Variants in TSPEAR observed in about 807,000 individuals in gnomAD.
The protein encoded by TSPEAR is thrombospondin type laminin G domain and EAR repeats, also known as thrombospondin-type laminin G domain and EAR repeat-containing protein.
Under a neutral mutation model 71.6 loss-of-function variants are expected in TSPEAR, and 69 were observed. The observed-to-expected ratio is 0.96, with a 90% CI of 0.79 to 1.18. TSPEAR has a LOEUF of 1.18. Among genes scored for constraint, TSPEAR ranks in the 50% most tolerant of loss-of-function variants. The pLI is 0.00. For synonymous variants in TSPEAR, 402 were observed against 387.2 expected (o/e 1.04, Z -0.45); for missense variants, 971 against 894.9 (o/e 1.09, Z -1.09).
chr21:44,611,814 C>T (rs1412016994), intron 1 of TSPEAR, among the ~76,000 whole-genome samples: 1 of 152,180 alleles, frequency 6.6e-6, no homozygotes, highest in African/African-American at 2.4e-5. Flanking sequence ...CCCAGCTCCA[C>T]CAGCAGACAC....
chr21:44,658,930 T>C (rs1278724257), intron 1 of TSPEAR, among the ~76,000 whole-genome samples: 1 of 152,092 alleles, frequency 6.6e-6, no homozygotes, highest in African/African-American at 2.4e-5. Context: ...CCAGATCCCA[T>C]GCAATACCTC....
intron 6 of TSPEAR, among the ~76,000 whole-genome samples, chr21:44,528,057 G>A (rs782332609): frequency 9.9e-5 from 15 of 152,216 alleles, no homozygotes; most frequent in Non-Finnish European, 1.2e-4. Context: ...AGGCTGCAGG[G>A]AGGCAGGCAT....
intron 1 of TSPEAR, chr21:44,666,867 G>A (rs1555944969): frequency 1.2e-6 from 2 of 1,613,690 alleles, no homozygotes; most frequent in Non-Finnish European, 1.7e-6. Context: ...GCAGCCCGAG[G>A]AGCAGCTGGT....
intron 9 of TSPEAR, among the ~76,000 whole-genome samples, chr21:44,511,791 C>T (rs1569154132): frequency 6.6e-6 from 1 of 152,264 alleles, no homozygotes; most frequent in Non-Finnish European, 1.5e-5. Flanking sequence ...AACTCCCTCT[C>T]AGGGAAAGGC....
chr21:44,517,719 C>T (rs1394057870), intron 9 of TSPEAR: 2 of 469,578 alleles, frequency 4.3e-6, no homozygotes, highest in African/African-American at 2.0e-5. Flanking sequence ...GCGTCCTTGT[C>T]CTGCGGGGGC....
chr21:44,569,281 C>T (rs2053753563), intron 1 of TSPEAR, among the ~76,000 whole-genome samples: 1 of 152,140 alleles, frequency 6.6e-6, no homozygotes, highest in Non-Finnish European at 1.5e-5. Context: ...GTGATGGGCA[C>T]TTCTTTCTTA....
At chr21:44,702,587 C>T in intron 1 of TSPEAR, 2 of 1,607,650 alleles carry the variant, frequency 1.2e-6, no homozygotes, top group Non-Finnish European at 1.7e-6. Context: ...TGCTGCACTT[C>T]CTCCTGCTGC....
chr21:44,536,760 A>G lies in TSPEAR; in HGVS notation c.304-2837T>C, dbSNP rs587691514. Among the ~76,000 whole-genome samples the G allele has an allele frequency of 1.9e-4, 29 of 152,356 alleles. 1 individual carries two copies. In the South Asian group the frequency reaches 5.8e-3, roughly 30 times the overall value. ...GAAGTTAAATTCTCCTTATTTTCAA[A>G]TGATGAGCTCATCTACATAGAAAAA... On this transcript the variant is annotated intron_variant, in intron 2 of 11. Coordinates refer to ENST00000323084, the MANE Select transcript of TSPEAR (RefSeq NM_144991.3).
chr21:44,598,308 C>T (rs971322916), intron 1 of TSPEAR, among the ~76,000 whole-genome samples: 6 of 152,184 alleles, frequency 3.9e-5, no homozygotes, highest in African/African-American at 1.4e-4. Flanking sequence ...TTGTGCGGCG[C>T]AATCCCAGCC....
chr21:44,558,748 CGTGA>C (rs782190680), intron 2 of TSPEAR: 15 of 1,571,426 alleles, frequency 9.5e-6, no homozygotes, highest in Admixed American at 3.5e-5. Context: ...CTGGGGGAGA[CGTGA>C]GTGAGTGAGT....
chr21:44,617,357 G>A (rs954993886), intron 1 of TSPEAR, among the ~76,000 whole-genome samples: 58 of 152,378 alleles, frequency 3.8e-4, no homozygotes, highest in African/African-American at 1.3e-3. Context: ...CAGGCTTGCC[G>A]CTGGGATGCA....
At position 44,612,074 on chromosome 21, in the gene TSPEAR, C is replaced by T. The variant is rs1981713424; in HGVS notation, c.83-44069G>A. On this transcript the variant is annotated intron_variant, in intron 1 of 11. Transcript: ENST00000323084. The surrounding 1 kb of genome is among the most constrained non-coding windows in gnomAD (Gnocchi z 4.1). ...CAAACCCACACACCTCACACCAGCA[C>T]TCACACCACCCAGTCCAGCACCCAC... 5.6e-6 allele frequency: 9 copies of T among 1,602,504 alleles called. No individual in the cohort carries two copies. The highest frequency in any genetic ancestry group is 2.2e-5 in the East Asian group (1 of 44,652).
chr21:44,512,011 CAG>C lies in TSPEAR; in HGVS notation c.1567-2627_1567-2626del, dbSNP rs587707882. On this transcript the variant is annotated intron_variant, in intron 9 of 11. Coordinates refer to ENST00000323084, the MANE Select transcript of TSPEAR (RefSeq NM_144991.3). ...GGGGCTGCCCGGGGCCTTGGGGGCA[CAG>C]AGGAAGAGGGCCCAAAGGCATGGAG... 1.9e-4 allele frequency among the ~76,000 whole-genome samples: 29 copies of C among 152,270 alleles called. No homozygotes were observed. The East Asian group carries it at 5.6e-3, about 29-fold the overall frequency.
intron 1 of TSPEAR, chr21:44,591,295 G>C: frequency 6.7e-7 from 1 of 1,490,366 alleles, no homozygotes; most frequent in Admixed American, 2.3e-5. Flanking sequence ...CCCATCTTCT[G>C]AGGGTGTCAA....
At chr21:44,542,343 A>G (rs1204509061) in intron 2 of TSPEAR, among the ~76,000 whole-genome samples, 1 of 152,222 alleles carries the variant, frequency 6.6e-6, no homozygotes, top group Non-Finnish European at 1.5e-5. Flanking sequence ...ATTTATGGGA[A>G]AAATGATTGA....
At chr21:44,678,014 G>C (rs1001715101) in intron 1 of TSPEAR, 3 of 852,730 alleles carry the variant, frequency 3.5e-6, no homozygotes, top group South Asian at 1.4e-5. Flanking sequence ...CACAGTGGAC[G>C]GAGGACTAAC....
At chr21:44,547,476 T>A (rs587726270) in intron 2 of TSPEAR, among the ~76,000 whole-genome samples, 1 of 152,340 alleles carries the variant, frequency 6.6e-6, no homozygotes, top group South Asian at 2.1e-4. Flanking sequence ...AGACAGTGAC[T>A]ATTACAATGG....
At chr21:44,501,683 T>C (rs2052033883) in intron 11 of TSPEAR, among the ~76,000 whole-genome samples, 1 of 152,198 alleles carries the variant, frequency 6.6e-6, no homozygotes, top group African/African-American at 2.4e-5. Context: ...GAGGATTGCT[T>C]GAGCCTGGGA....
rs1555918043 is a variant in TSPEAR, at chr21:44,548,554, G to T, written c.304-14631C>A. The stretch of plus-strand genomic sequence containing the variant: ...CAAACCAGAGGGTGGGAGAACACGT[G>T]AACACGTGAACATGAGTGCAGATGG... On this transcript the variant is annotated intron_variant, in intron 2 of 11. Coordinates refer to ENST00000323084, the MANE Select transcript of TSPEAR (RefSeq NM_144991.3). Among the ~76,000 whole-genome samples, 4 of 151,018 alleles carry T rather than the reference G, an allele frequency of 2.6e-5. No individual in the cohort carries two copies. In the East Asian group the frequency reaches 7.7e-4, roughly 29 times the overall value.
Sources: gnomAD v4.1 joint callset for allele counts (sites outside exome capture counted in the v4.1 genomes callset) on GRCh38, gnomAD v4.1.1 for gene constraint, Gnocchi (gnomAD v3.1) non-coding constraint, MANE v1.5 for transcripts, NCBI Gene and HGNC (gene_info 2026-07-23, HGNC 2026-07-21) for gene names.